The following SUSD1 variants were observed in gnomAD, a reference collection of about 807,000 sequenced individuals.
SUSD1 encodes the protein sushi domain containing 1, also known as sushi domain-containing protein 1.
SUSD1 carries 65 observed loss-of-function variants against 86.9 expected under a neutral mutation model. The observed-to-expected ratio is 0.75, with a 90% CI of 0.61 to 0.92. The LOEUF (loss-of-function observed/expected upper bound fraction) is 0.92, where lower values mean the gene tolerates loss of function less well. SUSD1 is among the 40% of genes least tolerant of loss of function. The probability of loss-of-function intolerance (pLI) is 0.00; values close to 1 mark genes in which losing one functional copy is unlikely to be tolerated. For missense variants in SUSD1, 850 were observed against 929.7 expected, an observed-to-expected ratio of 0.91 and a Z score of 1.11; for synonymous variants, 346 against 350.0, an observed-to-expected ratio of 0.99 and a Z score of 0.13.
At chr9:112,127,348 G>A (rs908590514) in intron 5 of SUSD1, among the ~76,000 whole-genome samples, 5 of 152,158 alleles carry the variant, frequency 3.3e-5, no homozygotes, top group African/African-American at 4.8e-5. Context: ...ACTCCAGCCT[G>A]GCCAACAGAG....
intron 6 of SUSD1, among the ~76,000 whole-genome samples, chr9:112,119,179 G>A (rs950081911): frequency 6.6e-6 from 1 of 152,208 alleles, no homozygotes; most frequent in Non-Finnish European, 1.5e-5. Flanking sequence ...AGGGTTTTAA[G>A]AGGATGAAAT....
intron 5 of SUSD1, among the ~76,000 whole-genome samples, chr9:112,139,405 T>C (rs899024351): frequency 1.3e-5 from 2 of 152,282 alleles, no homozygotes; most frequent in Middle Eastern, 6.8e-3. Context: ...TTAGTACTGA[T>C]CATTATCAGG....
At chr9:112,116,113 A>G (rs1336882116) in intron 6 of SUSD1, among the ~76,000 whole-genome samples, 2 of 152,186 alleles carry the variant, frequency 1.3e-5, no homozygotes, top group Non-Finnish European at 2.9e-5. Flanking sequence ...GTTGCCAGCA[A>G]AGCGAATTTC....
chr9:112,162,857 G>A (rs1243079053), intron 1 of SUSD1, among the ~76,000 whole-genome samples: 3 of 152,054 alleles, frequency 2.0e-5, no homozygotes, highest in African/African-American at 7.2e-5. Context: ...CAACCAAATC[G>A]CTGTGGCATA....
In SUSD1 at chr9:112,069,030, A is replaced by G. The variant is rs146966969; in HGVS notation, c.1754-5997T>C. ...AATCCTCCAGCAGGCAGTTAGAAAC[A>G]TAGGTCTGGAGCCTAGGAGCAAACC... On this transcript the variant is annotated intron_variant, in intron 12 of 16. Transcript: ENST00000374270. Among the ~76,000 whole-genome samples the G allele has an allele frequency of 4.5e-3, 682 of 152,272 alleles. 8 individuals are homozygous for G. Among genetic ancestry groups the G allele is most frequent in the African/African-American group, 0.016 (652 of 41,550 alleles).
rs761517348 is a variant in SUSD1, at chr9:112,111,756, C to G, written c.1069G>C (p.Glu357Gln). 1.5e-5 allele frequency: 25 copies of G among 1,614,082 alleles called. No homozygotes were observed. The South Asian group carries it at 2.7e-4, about 18-fold the overall frequency. ...CCTGGGTACAGGGCTAGGCACACTT[C>G]TGGGGTCCTGCTGTCTGTGGTCAAG... ...VNLTTDSRTP[E>Q]VCLALYPGTN... Residue 357 changes from glutamate to glutamine, a missense_variant, in exon 8 of 17, where the codon GAA becomes CAA. Transcript: ENST00000374270.
chr9:112,047,894 C>T (rs868424764), intron 15 of SUSD1, among the ~76,000 whole-genome samples: 5 of 152,150 alleles, frequency 3.3e-5, no homozygotes, highest in African/African-American at 9.7e-5. Context: ...GACTCATGAG[C>T]TAAATAAACC....
intron 5 of SUSD1, among the ~76,000 whole-genome samples, chr9:112,131,293 G>A (rs967339218): frequency 2.0e-5 from 3 of 152,200 alleles, no homozygotes; most frequent in African/African-American, 7.2e-5. Flanking sequence ...AGGAGAAAAC[G>A]TTGCCTGAAT....
At chr9:112,143,700 G>T in intron 3 of SUSD1, 77 bp from the exon 4 acceptor site, 1 of 1,417,316 alleles carries the variant, frequency 7.1e-7, no homozygotes, top group Non-Finnish European at 9.5e-7. Context: ...TATTGTGACA[G>T]CCATTTTTTC....
chr9:112,058,488 T>G lies in SUSD1; in HGVS notation c.2049A>C (p.Ala683=). 6.2e-7 allele frequency: 1 copy of G among 1,614,136 alleles called. No individual in the cohort carries two copies. The highest frequency in any genetic ancestry group is 8.5e-7 in the Non-Finnish European group (1 of 1,180,012). The change falls in exon 14 of 17, where the codon GCA becomes GCC. Residue 683 remains alanine, a synonymous_variant. Coordinates refer to ENST00000374270, the MANE Select transcript of SUSD1 (RefSeq NM_022486.5). ...AGTAATCACTCCCTCTTTTCAAGGG[T>G]GCATTATAATATTCCCCATAGTACA... ...DRLYYGEYYN[A]PLKRGSDYCI...
At chr9:112,055,994 C>A (rs1828431185) in intron 14 of SUSD1, among the ~76,000 whole-genome samples, 1 of 152,178 alleles carries the variant, frequency 6.6e-6, no homozygotes, top group East Asian at 1.9e-4. Flanking sequence ...GGCGTGATGG[C>A]TCATGCCTGT....
intron 6 of SUSD1, among the ~76,000 whole-genome samples, chr9:112,121,208 C>T (rs1322645123): frequency 6.6e-6 from 1 of 152,136 alleles, no homozygotes; most frequent in African/African-American, 2.4e-5. Flanking sequence ...TCTCTGGGTT[C>T]TTATCCAGCT....
chr9:112,125,289 A>G (rs188715897), intron 5 of SUSD1, among the ~76,000 whole-genome samples: 1 of 152,324 alleles, frequency 6.6e-6, no homozygotes, highest in East Asian at 1.9e-4. Flanking sequence ...AGAGCTTGAC[A>G]TAACTATTAG....
rs187542235 is a variant in SUSD1, at chr9:112,168,829, G to A, written c.103+6304C>T. On this transcript the variant is annotated intron_variant, in intron 1 of 16. Transcript: ENST00000374270. ...ACAATAACAAAAAAGCACAAATGCAGTGCTTAAATTTTAAATCTGCTTTTA... is the reference window on the plus strand; with the variant it reads ...ACAATAACAAAAAAGCACAAATGCAATGCTTAAATTTTAAATCTGCTTTTA... 3.3e-5 allele frequency among the ~76,000 whole-genome samples: 5 copies of A among 152,294 alleles called. No individual in the cohort carries two copies. The East Asian group carries it at 9.6e-4, about 29-fold the overall frequency.
chr9:112,092,475 T>C (rs1398521277), intron 10 of SUSD1, among the ~76,000 whole-genome samples: 1 of 152,236 alleles, frequency 6.6e-6, no homozygotes, highest in African/African-American at 2.4e-5. Flanking sequence ...TTATGGACAA[T>C]GCAATGGTTC....
At chr9:112,078,829 T>C (rs947042814) in intron 11 of SUSD1, 105 bp from the exon 12 acceptor site, 1 of 927,092 alleles carries the variant, frequency 1.1e-6, no homozygotes, top group Non-Finnish European at 1.6e-6. Flanking sequence ...TTTTTTTTTT[T>C]TGAGATGGGG....
chr9:112,052,722 A>G (rs1828272989), intron 14 of SUSD1, among the ~76,000 whole-genome samples: 1 of 152,156 alleles, frequency 6.6e-6, no homozygotes, highest in African/African-American at 2.4e-5. Flanking sequence ...GACAAAAAGG[A>G]CCATTCCCCT....
chr9:112,165,306 T>C (rs965580487), intron 1 of SUSD1, among the ~76,000 whole-genome samples: 2 of 152,150 alleles, frequency 1.3e-5, no homozygotes, highest in African/African-American at 4.8e-5. Flanking sequence ...TTATAAACAA[T>C]AGTCATAGTC....
chr9:112,172,380 C>G (rs969463187), intron 1 of SUSD1, among the ~76,000 whole-genome samples: 2 of 152,128 alleles, frequency 1.3e-5, no homozygotes, highest in African/African-American at 4.8e-5. Flanking sequence ...GTTTCCTTGA[C>G]TAAATGAGCC....
Sources: gnomAD v4.1 joint callset for allele counts (sites outside exome capture counted in the v4.1 genomes callset) on GRCh38, gnomAD v4.1.1 for gene constraint, MANE v1.5 for transcripts, NCBI Gene and HGNC (gene_info 2026-07-23, HGNC 2026-07-21) for gene names.